The following SCML4 variants were observed in gnomAD, a reference collection of about 807,000 sequenced individuals.
SCML4 encodes the protein Scm polycomb group protein like 4.
Under a neutral mutation model 41.1 loss-of-function variants are expected in SCML4, and 34 were observed. The ratio of observed to expected loss-of-function variants is 0.83; its 90% CI spans 0.63 to 1.10. SCML4 has a LOEUF of 1.10. Ranked by LOEUF, SCML4 falls within the 50% of genes least tolerant of loss-of-function variation. SCML4 has a pLI of 0.00. For synonymous variants in SCML4, 214 were observed against 220.9 expected (o/e 0.97, Z 0.28); for missense variants, 522 against 534.1 (o/e 0.98, Z 0.22).
chr6:107,804,103 A>G (rs1269581262), intron 1 of SCML4, among the ~76,000 whole-genome samples: 2 of 150,664 alleles, frequency 1.3e-5, no homozygotes, highest in African/African-American at 4.9e-5. Flanking sequence ...TCTTTTTCTG[A>G]GCAAGATGTG....
At chr6:107,825,326 G>A (rs549215100), upstream of SCML4, among the ~76,000 whole-genome samples, 2 of 152,274 alleles carry the variant, frequency 1.3e-5, no homozygotes, top group African/African-American at 2.4e-5. Context: ...CAGGGCTAAC[G>A]AAGGCTTAGG....
chr6:107,723,661 A>C (rs1396761409), intron 5 of SCML4, among the ~76,000 whole-genome samples: 1 of 152,222 alleles, frequency 6.6e-6, no homozygotes, highest in African/African-American at 2.4e-5. Flanking sequence ...AGTAATCAGA[A>C]AACTACCCAC....
intron 1 of SCML4, among the ~76,000 whole-genome samples, chr6:107,794,588 C>T (rs1782575433): frequency 1.3e-5 from 2 of 151,910 alleles, no homozygotes; most frequent in Admixed American, 1.3e-4. Flanking sequence ...TATATATATG[C>T]ACATATATAT....
chr6:107,828,472 A>G (rs1402002456), upstream of SCML4, among the ~76,000 whole-genome samples: 2 of 152,366 alleles, frequency 1.3e-5, no homozygotes, highest in East Asian at 3.8e-4. Flanking sequence ...GGATATGGCC[A>G]TAATTACAAA....
chr6:107,843,072 C>T, the SCML4 span, among the ~76,000 whole-genome samples: 2 of 151,920 alleles, frequency 1.3e-5, no homozygotes, highest in East Asian at 1.9e-4. Context: ...GCCTAATATG[C>T]ATGCAATCAA....
At chr6:107,743,812 G>A (rs1777808891) in intron 5 of SCML4, 1 of 152,230 alleles carries the variant, frequency 6.6e-6, no homozygotes, top group Admixed American at 6.5e-5. Flanking sequence ...GATTTTGATA[G>A]TATCCAAGAA....
chr6:107,740,896 C>T (rs1023594305), intron 5 of SCML4, among the ~76,000 whole-genome samples: 4 of 152,176 alleles, frequency 2.6e-5, no homozygotes, highest in Admixed American at 2.6e-4. Flanking sequence ...CTGCCTCTTG[C>T]GTCTCCTCCT....
chr6:107,736,152 G>C (rs772568376), intron 5 of SCML4, among the ~76,000 whole-genome samples: 2 of 152,192 alleles, frequency 1.3e-5, no homozygotes, highest in Non-Finnish European at 2.9e-5. Flanking sequence ...ACAAGGACAC[G>C]GGGAAAACAT....
chr6:107,808,800 G>C (rs1783937813), intron 1 of SCML4, among the ~76,000 whole-genome samples: 1 of 152,034 alleles, frequency 6.6e-6, no homozygotes, highest in Non-Finnish European at 1.5e-5. Context: ...ACATATGTTG[G>C]GGATGTGTAC....
At chr6:107,746,548 C>T (rs1778108949) in intron 4 of SCML4, 141 bp downstream of exon 4, 1 of 682,842 alleles carries the variant, frequency 1.5e-6, no homozygotes, top group Non-Finnish European at 2.5e-6. Context: ...GCTTTTAGCT[C>T]ACAGGCTCAT....
intron 1 of SCML4, among the ~76,000 whole-genome samples, chr6:107,795,437 G>T (rs1782632468): frequency 6.6e-6 from 1 of 152,078 alleles, no homozygotes; most frequent in African/African-American, 2.4e-5. Flanking sequence ...GGTCTTAAAA[G>T]TACAGTTTGA....
chr6:107,755,984 G>A (rs1433543825), intron 2 of SCML4, among the ~76,000 whole-genome samples: 1 of 151,984 alleles, frequency 6.6e-6, no homozygotes, highest in Non-Finnish European at 1.5e-5. Flanking sequence ...TGTAGTAATG[G>A]ATTATAACTC....
In SCML4 at chr6:107,745,058, C is replaced by T. The variant is rs1375934297; in HGVS notation, c.573G>A (p.Lys191=). 1 of 1,614,086 alleles carries T rather than the reference C, an allele frequency of 6.2e-7. No homozygotes were observed. Among genetic ancestry groups the T allele is most frequent in the African/African-American group, 1.3e-5 (1 of 75,054 alleles). Residue 191 remains lysine (K), a synonymous_variant, in exon 5 of 8, where the codon AAG becomes AAA. Transcript: ENST00000369020. ...CATCGCACAGGAGGCTTCGGCACAG[C>T]TTGGCGAGGAAGCGGAGGACATAGC... ...SIGYVLRFLA[K]LCRSLLCDDL...
intron 1 of SCML4, among the ~76,000 whole-genome samples, chr6:107,820,365 G>T (rs1228648608): frequency 6.6e-6 from 1 of 152,154 alleles, no homozygotes; most frequent in East Asian, 1.9e-4. Context: ...CCAGTGACCA[G>T]CCGCACTGGG....
chr6:107,716,191 C>A (rs1194682145), intron 6 of SCML4, among the ~76,000 whole-genome samples: 2 of 152,200 alleles, frequency 1.3e-5, no homozygotes, highest in African/African-American at 2.4e-5. Flanking sequence ...CCCCACTCTG[C>A]AAATGTGAAA....
intron 5 of SCML4, among the ~76,000 whole-genome samples, chr6:107,729,389 G>A (rs1009443514): frequency 5.3e-5 from 8 of 152,174 alleles, no homozygotes; most frequent in African/African-American, 1.7e-4. Flanking sequence ...TGTGTGTCAC[G>A]ATCTGTGTCC....
intron 6 of SCML4, chr6:107,720,185 C>T (rs1775226403): frequency 5.6e-6 from 5 of 889,104 alleles, no homozygotes; most frequent in South Asian, 5.2e-5. Flanking sequence ...TCCAGAGTCC[C>T]TTATGGTTAA....
At chr6:107,778,146 T>G (rs540017190) in intron 1 of SCML4, among the ~76,000 whole-genome samples, 2 of 136,620 alleles carry the variant, frequency 1.5e-5, no homozygotes, top group Non-Finnish European at 3.1e-5. Flanking sequence ...ATCCGGGAGA[T>G]CACGCCACTG....
chr6:107,707,713 C>A (rs1773796880), intron 7 of SCML4, among the ~76,000 whole-genome samples, 153 bp downstream of exon 7: 1 of 152,180 alleles, frequency 6.6e-6, no homozygotes, highest in Non-Finnish European at 1.5e-5. Context: ...CTGTCCCTCT[C>A]ATCTCTGGCT....
Sources: allele counts gnomAD v4.1 joint callset (sites outside exome capture counted in the v4.1 genomes callset), GRCh38; gene constraint gnomAD v4.1.1; transcripts MANE v1.5; gene names NCBI Gene and HGNC (gene_info 2026-07-23, HGNC 2026-07-21).